Variants in ZNF18 observed in about 807,000 individuals in gnomAD.
ZNF18 encodes zinc finger protein 18, also known as heart development-specific gene 1 protein.
Under a neutral mutation model 58.1 loss-of-function variants are expected in ZNF18, and 42 were observed. That is an observed-to-expected ratio of 0.72 (90% CI 0.56 to 0.93). The LOEUF (loss-of-function observed/expected upper bound fraction) is 0.93, where lower values mean the gene tolerates loss of function less well. Ranked by LOEUF, ZNF18 falls within the 40% of genes least tolerant of loss-of-function variation. The pLI is 0.00. For synonymous variants in ZNF18, 231 were observed against 239.8 expected, an observed-to-expected ratio of 0.96 and a Z score of 0.34; for missense variants, 540 against 644.2, an observed-to-expected ratio of 0.84 and a Z score of 1.75.
chr17:12,010,620 G>A, the ZNF18 span: 1 of 153,618 alleles, frequency 6.5e-6, no homozygotes, highest in African/African-American at 2.4e-5. Flanking sequence ...GTTTCAGCAT[G>A]TTGGCCAGGA....
At position 11,977,792 on chromosome 17, in the gene ZNF18, G is replaced by C. The variant is rs1165130886; in HGVS notation, c.*165C>G. 9.2e-6 allele frequency: 7 copies of C among 757,578 alleles called. No homozygotes were observed. In the African/African-American group the frequency reaches 1.2e-4, roughly 13 times the overall value. The allele number at this position is 757,578 out of a possible 1,614,324, so 46.9% of individuals were successfully genotyped here. ...TAAGCCATTGTGCAATCCAATCCAA[G>C]ATATCCTCCAAGTCCAAAGCCATGT... On this transcript the variant is annotated 3_prime_UTR_variant, in exon 7 of 7. Transcript: ENST00000580306.
chr17:11,990,873 G>T, intron 3 of ZNF18, 101 bp downstream of exon 3: 1 of 1,321,026 alleles, frequency 7.6e-7, no homozygotes, highest in Non-Finnish European at 1.1e-6. Context: ...AACCTCTCAG[G>T]GATACGCCAA....
chr17:12,005,072 TTATA>T, the ZNF18 span, among the ~76,000 whole-genome samples: 1 of 150,628 alleles, frequency 6.6e-6, no homozygotes, highest in Non-Finnish European at 1.5e-5. Flanking sequence ...ATTTGTACCT[TTATA>T]TAAGTATATA....
the ZNF18 span, among the ~76,000 whole-genome samples, chr17:12,016,609 C>T: frequency 9.0e-4 from 137 of 151,940 alleles, no homozygotes; most frequent in Non-Finnish European, 1.6e-3. Context: ...GAATTACAGG[C>T]ATGAGCCACT....
chr17:12,001,425 C>G (rs1387782245), upstream of ZNF18, among the ~76,000 whole-genome samples: 2 of 152,074 alleles, frequency 1.3e-5, no homozygotes, highest in Admixed American at 6.6e-5. Flanking sequence ...GTCAGGAGAT[C>G]AAGACCATCC....
chr17:12,002,765 A>G, the ZNF18 span, among the ~76,000 whole-genome samples: 3 of 152,210 alleles, frequency 2.0e-5, no homozygotes. Flanking sequence ...GTTAAATTAC[A>G]TGAGATTGTT....
At chr17:11,987,715 A>G (rs1967841417) in intron 4 of ZNF18, among the ~76,000 whole-genome samples, 1 of 152,216 alleles carries the variant, frequency 6.6e-6, no homozygotes, top group African/African-American at 2.4e-5. Context: ...TGGTTGACAT[A>G]TTCCACAGAA....
the ZNF18 span, among the ~76,000 whole-genome samples, chr17:12,005,439 A>G: frequency 6.6e-6 from 1 of 152,316 alleles, no homozygotes; most frequent in Non-Finnish European, 1.5e-5. Context: ...AGTTTGCAAG[A>G]GCTACTGACT....
intron 2 of ZNF18, among the ~76,000 whole-genome samples, chr17:11,991,492 T>C (rs1358585468): frequency 6.6e-5 from 10 of 152,182 alleles, no homozygotes; most frequent in Non-Finnish European, 1.5e-4. Context: ...GCTGGGAGAC[T>C]TTACCCTCAA....
At chr17:11,985,452 C>T (rs1219502479) in intron 4 of ZNF18, among the ~76,000 whole-genome samples, 2 of 152,184 alleles carry the variant, frequency 1.3e-5, no homozygotes, top group Non-Finnish European at 2.9e-5. Context: ...TGGCACTGAA[C>T]TCAAAAAAGT....
At chr17:11,979,167 G>A (rs1259534361) in intron 6 of ZNF18, among the ~76,000 whole-genome samples, 3 of 150,856 alleles carry the variant, frequency 2.0e-5, no homozygotes, top group African/African-American at 7.3e-5. Flanking sequence ...ATATACAGAA[G>A]AAAACCAAAT....
At chr17:11,991,244 A>G in intron 2 of ZNF18, 81 bp from the exon 3 acceptor site, 2 of 1,217,904 alleles carry the variant, frequency 1.6e-6, no homozygotes, top group Middle Eastern at 2.6e-4. Context: ...ACTCTCTACA[A>G]CAGATCATAA....
chr17:11,985,243 G>T (rs1204162162), intron 4 of ZNF18, among the ~76,000 whole-genome samples: 1 of 152,190 alleles, frequency 6.6e-6, no homozygotes, highest in Non-Finnish European at 1.5e-5. Context: ...TACAGCTAGG[G>T]TCTGCTTTCA....
At chr17:12,010,271 A>C in the ZNF18 span, among the ~76,000 whole-genome samples, 3 of 152,216 alleles carry the variant, frequency 2.0e-5, no homozygotes, top group African/African-American at 7.2e-5. Context: ...ATTCTAGTTG[A>C]ATCTGAGCCA....
At chr17:11,990,693 C>G in intron 3 of ZNF18, 143 bp from the exon 4 acceptor site, 1 of 722,822 alleles carries the variant, frequency 1.4e-6, no homozygotes, top group South Asian at 1.8e-5. Context: ...TTGTGTTTAT[C>G]TCCCTGACAC....
upstream of ZNF18, among the ~76,000 whole-genome samples, chr17:12,001,802 T>C (rs1360934680): frequency 6.6e-6 from 1 of 152,070 alleles, no homozygotes; most frequent in Non-Finnish European, 1.5e-5. Flanking sequence ...ACCCCATAAA[T>C]ATATAATTAT....
chr17:12,001,084 G>C (rs564382262), upstream of ZNF18, among the ~76,000 whole-genome samples: 40 of 152,158 alleles, frequency 2.6e-4, no homozygotes, highest in Admixed American at 4.6e-4. Context: ...TTCTTGAGTA[G>C]AGATTGATTT....
intron 4 of ZNF18, among the ~76,000 whole-genome samples, chr17:11,987,980 G>A (rs1006066968): frequency 3.3e-5 from 5 of 151,994 alleles, no homozygotes; most frequent in Admixed American, 6.5e-5. Context: ...TCATATTCAC[G>A]CTACAGCAGA....
intron 4 of ZNF18, among the ~76,000 whole-genome samples, chr17:11,985,760 C>T (rs1014993159): frequency 5.3e-5 from 8 of 152,238 alleles, no homozygotes; most frequent in South Asian, 2.1e-4. Flanking sequence ...GCAAACAGGT[C>T]CTCAGTAGAT....
Sources: gnomAD v4.1 joint callset for allele counts (sites outside exome capture counted in the v4.1 genomes callset) on GRCh38, gnomAD v4.1.1 for gene constraint, MANE v1.5 for transcripts, NCBI Gene and HGNC (gene_info 2026-07-23, HGNC 2026-07-21) for gene names.